The following FAAH2 variants were observed in gnomAD, a reference collection of about 807,000 sequenced individuals.
FAAH2 encodes the protein fatty acid amide hydrolase 2.
FAAH2 carries 60 observed loss-of-function variants against 36.9 expected under a neutral mutation model. The observed-to-expected ratio is 1.63, with a 90% CI of 1.32 to 2.02. The LOEUF is 2.02. Ranked by LOEUF, FAAH2 falls within the 30% of genes most tolerant of loss-of-function variation. FAAH2 has a pLI of 0.00. For missense variants in FAAH2, 689 were observed against 397.5 expected (o/e 1.73, Z -6.23); for synonymous variants, 214 against 143.8 (o/e 1.49, Z -3.49).
At chrX:57,466,154 C>CTATATATATATATA (rs1371319859) in intron 10 of FAAH2, among the ~76,000 whole-genome samples, 151 of 66,831 alleles carry the variant, frequency 2.3e-3, no homozygotes, top group South Asian at 4.6e-3. Context: ...CTCTCTCTCT[C>CTATATATATATATA]TCTATATATA....
chrX:57,457,962 G>T (rs559115639), intron 10 of FAAH2, among the ~76,000 whole-genome samples: 2 of 110,820 alleles, frequency 1.8e-5, no homozygotes, highest in East Asian at 2.8e-4. Flanking sequence ...AATTCATTTG[G>T]AACAAAAAAA....
At chrX:57,174,192 A>G in the FAAH2 span, among the ~76,000 whole-genome samples, 1 of 110,116 alleles carries the variant, frequency 9.1e-6, no homozygotes, top group Admixed American at 9.6e-5. Context: ...GTGAATCTGG[A>G]ATCTCTCTAG....
intron 7 of FAAH2, among the ~76,000 whole-genome samples, chrX:57,419,713 T>G (rs1361524787): frequency 8.9e-6 from 1 of 112,022 alleles, no homozygotes; most frequent in East Asian, 2.8e-4. Flanking sequence ...GCAGAAGCTC[T>G]TGAGTTTAAT....
chrX:57,220,949 G>A, the FAAH2 span, among the ~76,000 whole-genome samples: 1 of 112,050 alleles, frequency 8.9e-6, no homozygotes, highest in Non-Finnish European at 1.9e-5. Flanking sequence ...AACTACCTTT[G>A]CCTCATCCAA....
At chrX:57,193,855 A>G in the FAAH2 span, among the ~76,000 whole-genome samples, 4 of 112,195 alleles carry the variant, frequency 3.6e-5, no homozygotes, top group African/African-American at 1.3e-4. Flanking sequence ...CCGTTCTTGC[A>G]TTGCAAGAAT....
the FAAH2 span, among the ~76,000 whole-genome samples, chrX:57,185,721 C>G: frequency 9.1e-6 from 1 of 109,761 alleles, no homozygotes; most frequent in Non-Finnish European, 1.9e-5. Flanking sequence ...CCCCCACCCC[C>G]CAACAGGCCT....
chrX:57,425,367 A>G (rs1272403773), intron 7 of FAAH2, among the ~76,000 whole-genome samples: 3 of 111,688 alleles, frequency 2.7e-5, no homozygotes, highest in Non-Finnish European at 5.7e-5. Context: ...AAGAGACTCA[A>G]GGAATTCTGG....
the FAAH2 span, among the ~76,000 whole-genome samples, chrX:57,254,598 T>C: frequency 1.8e-5 from 2 of 111,664 alleles, no homozygotes; most frequent in Non-Finnish European, 3.8e-5. Context: ...TGCAATCAAA[T>C]TAGAACTCAT....
At chrX:57,242,838 G>T in the FAAH2 span, among the ~76,000 whole-genome samples, 1 of 112,188 alleles carries the variant, frequency 8.9e-6, no homozygotes, top group African/African-American at 3.2e-5. Context: ...CATCTGTGTG[G>T]GCAGAAACTG....
intron 8 of FAAH2, among the ~76,000 whole-genome samples, chrX:57,439,638 G>A (rs1256776895): frequency 6.3e-5 from 7 of 111,676 alleles, no homozygotes; most frequent in African/African-American, 9.8e-5. Context: ...GGCTTTTGTT[G>A]CCTTTGCTTT....
intron 4 of FAAH2, among the ~76,000 whole-genome samples, chrX:57,336,976 A>AAAT (rs1555974835): frequency 9.2e-6 from 1 of 108,322 alleles, no homozygotes; most frequent in Non-Finnish European, 1.9e-5. Context: ...TTGAAAAAAA[A>AAAT]AATAAATAAA....
intron 8 of FAAH2, among the ~76,000 whole-genome samples, chrX:57,434,528 A>G (rs1602651377): frequency 9.1e-6 from 1 of 109,531 alleles, no homozygotes; most frequent in East Asian, 2.9e-4. Context: ...TTACAAAAAC[A>G]TTCCAAAGAC....
At chrX:57,320,158 C>T (rs1385996994) in intron 3 of FAAH2, among the ~76,000 whole-genome samples, 1 of 111,649 alleles carries the variant, frequency 9.0e-6, no homozygotes, top group South Asian at 3.7e-4. Context: ...CAAAAGCCAA[C>T]ATTGACAAAT....
chrX:57,320,626 C>G (rs1030404453), intron 3 of FAAH2, among the ~76,000 whole-genome samples: 4 of 112,398 alleles, frequency 3.6e-5, no homozygotes, highest in Non-Finnish European at 5.6e-5. Flanking sequence ...CCTCAAGGAT[C>G]TAGAACTAGA....
intron 5 of FAAH2, among the ~76,000 whole-genome samples, chrX:57,351,653 A>T (rs754924537): frequency 9.1e-6 from 1 of 110,054 alleles, no homozygotes; most frequent in Admixed American, 9.7e-5. Flanking sequence ...TGAAATTTAT[A>T]CCACAGATAT....
chrX:57,183,877 G>A, the FAAH2 span, among the ~76,000 whole-genome samples: 2 of 110,789 alleles, frequency 1.8e-5, no homozygotes, highest in African/African-American at 6.6e-5. Context: ...AAATGGACGT[G>A]CAAGTAGGAG....
intron 7 of FAAH2, among the ~76,000 whole-genome samples, chrX:57,420,936 G>A (rs1399270036): frequency 8.9e-6 from 1 of 112,135 alleles, no homozygotes; most frequent in East Asian, 2.8e-4. Flanking sequence ...ATGAAGGGTT[G>A]TTGAATTTTG....
the FAAH2 span, among the ~76,000 whole-genome samples, chrX:57,232,867 A>G: frequency 2.0e-4 from 23 of 112,586 alleles, no homozygotes; most frequent in African/African-American, 7.1e-4. Flanking sequence ...AACTTCTTGT[A>G]GAAATTTTTT....
At position 57,299,357 on chromosome X, in the gene FAAH2, C is replaced by T. The variant is rs768025546; in HGVS notation, c.275+6777C>T. On this transcript the variant is annotated intron_variant, in intron 2 of 10. Transcript: ENST00000374900. ...TAAACAGAACCAAAGACAAAAACCA[C>T]ATGATTATCTCAATAGATGCAGAAA... 9.1e-4 allele frequency among the ~76,000 whole-genome samples: 102 copies of T among 112,026 alleles called. 1 individual carries two copies. Among genetic ancestry groups the T allele is most frequent in the Admixed American group, 8.9e-3 (94 of 10,566 alleles).
Sources: gnomAD v4.1 joint callset for allele counts (sites outside exome capture counted in the v4.1 genomes callset) on GRCh38, gnomAD v4.1.1 for gene constraint, MANE v1.5 for transcripts, NCBI Gene and HGNC (gene_info 2026-07-23, HGNC 2026-07-21) for gene names.